Variants in ADGRV1 observed in about 807,000 individuals in gnomAD.
ADGRV1 encodes adhesion G protein-coupled receptor V1, also known as G-protein coupled receptor 98.
Under a neutral mutation model 596.2 loss-of-function variants are expected in ADGRV1, and 359 were observed. That is an observed-to-expected ratio of 0.60 (90% CI 0.55 to 0.66). ADGRV1 has a LOEUF of 0.66. Among genes scored for constraint, ADGRV1 ranks in the 30% least tolerant of loss-of-function variants. The pLI, the probability that ADGRV1 is intolerant of heterozygous loss-of-function variation, is 0.00. For synonymous variants in ADGRV1, 2,681 were observed against 2,679.2 expected, an observed-to-expected ratio of 1.00 and a Z score of -0.02; for missense variants, 7,274 against 7,575.6, an observed-to-expected ratio of 0.96 and a Z score of 1.48.
chr5:90,847,787 C>G (rs996547111), intron 78 of ADGRV1, among the ~76,000 whole-genome samples: 4 of 152,352 alleles, frequency 2.6e-5, no homozygotes, highest in Non-Finnish European at 5.9e-5. Flanking sequence ...ACTGAGCCCA[C>G]GCCCACCCGG....
chr5:90,802,274 G>T (rs989857533), intron 70 of ADGRV1, among the ~76,000 whole-genome samples: 2 of 152,164 alleles, frequency 1.3e-5, no homozygotes, highest in Non-Finnish European at 2.9e-5. Flanking sequence ...GGAGTGCAGT[G>T]GCACAATCTC....
intron 87 of ADGRV1, among the ~76,000 whole-genome samples, chr5:91,132,727 G>T (rs1794316471): frequency 6.6e-6 from 1 of 152,196 alleles, no homozygotes. Flanking sequence ...CAAGAATAGT[G>T]TTCCAGCCAA....
chr5:91,139,871 GA>G (rs1240554379), intron 87 of ADGRV1, among the ~76,000 whole-genome samples: 2 of 152,066 alleles, frequency 1.3e-5, no homozygotes, highest in Non-Finnish European at 2.9e-5. Context: ...TGACAATGTG[GA>G]CCACCTCATT....
intron 45 of ADGRV1, among the ~76,000 whole-genome samples, chr5:90,722,755 A>G (rs1253826830): frequency 1.5e-5 from 2 of 134,660 alleles, no homozygotes; most frequent in East Asian, 2.4e-4. Flanking sequence ...AAAAAAAAAA[A>G]AGGTCTCTGC....
chr5:91,149,933 A>G, intron 87 of ADGRV1, 97 bp from the exon 88 acceptor site: 1 of 981,056 alleles, frequency 1.0e-6, no homozygotes, highest in East Asian at 2.6e-5. Flanking sequence ...GACCAATACA[A>G]CCATGTTTAT....
intron 87 of ADGRV1, among the ~76,000 whole-genome samples, chr5:91,126,440 G>A (rs1388534343): frequency 1.3e-5 from 2 of 152,172 alleles, no homozygotes; most frequent in Non-Finnish European, 2.9e-5. Flanking sequence ...CAGCAGCATT[G>A]CCCCACTTAG....
At chr5:90,585,089 C>T (rs1414475773) in intron 1 of ADGRV1, among the ~76,000 whole-genome samples, 1 of 152,170 alleles carries the variant, frequency 6.6e-6, no homozygotes, top group African/African-American at 2.4e-5. Context: ...TTTTGTTTTA[C>T]ACTGGAATTT....
rs567837126 is a variant in ADGRV1, at chr5:90,973,067, T to C, written c.17973+7536T>C. 5.3e-5 allele frequency among the ~76,000 whole-genome samples: 8 copies of C among 152,218 alleles called. 1 individual carries two copies. In the East Asian group the frequency reaches 9.7e-4, roughly 18 times the overall value. The stretch of plus-strand genomic sequence containing the variant: ...TACAGACTACCATCAGAGAATACTA[T>C]AAACACCTCTATGCAAATAAACTAG... On this transcript the variant is annotated intron_variant, in intron 84 of 89. Transcript: ENST00000405460.
intron 59 of ADGRV1, among the ~76,000 whole-genome samples, chr5:90,773,412 T>C (rs1032415539): frequency 2.0e-5 from 3 of 151,876 alleles, no homozygotes; most frequent in Admixed American, 1.3e-4. Flanking sequence ...ATTCAAACTA[T>C]GCACCTGAGA....
chr5:90,746,006 A>G (rs1008172123), intron 52 of ADGRV1, among the ~76,000 whole-genome samples: 4 of 152,112 alleles, frequency 2.6e-5, no homozygotes, highest in South Asian at 2.1e-4. Flanking sequence ...CTCTGAGTCA[A>G]CTTGTCCTAA....
At chr5:90,881,792 A>G (rs1769806008) in intron 83 of ADGRV1, among the ~76,000 whole-genome samples, 1 of 152,058 alleles carries the variant, frequency 6.6e-6, no homozygotes, top group South Asian at 2.1e-4. Context: ...TGGTATGATC[A>G]TAGATTATTG....
intron 85 of ADGRV1, among the ~76,000 whole-genome samples, chr5:91,023,010 A>G (rs528867832): frequency 1.3e-5 from 2 of 152,274 alleles, no homozygotes; most frequent in Non-Finnish European, 2.9e-5. Context: ...TTCGATAACT[A>G]TGAAGCCCAC....
Position 91,130,393 on chromosome 5 carries a change from G to A in ADGRV1, c.18433-19637G>A, listed in dbSNP as rs192834553. ...CTAAAAATATAAAAATTAGCCGGGC[G>A]TGGTGGTGGGCAGCTCTACTTGGGA... On this transcript the variant is annotated intron_variant, in intron 87 of 89. Coordinates refer to ENST00000405460, the MANE Select transcript of ADGRV1 (RefSeq NM_032119.4). Among the ~76,000 whole-genome samples the A allele has an allele frequency of 8.5e-3, 1,291 of 151,664 alleles. 18 individuals are homozygous for A. Among genetic ancestry groups the A allele is most frequent in the African/African-American group, 0.025 (1,021 of 41,390 alleles).
intron 85 of ADGRV1, among the ~76,000 whole-genome samples, chr5:91,030,278 A>G (rs1784363166): frequency 6.6e-6 from 1 of 152,262 alleles, no homozygotes; most frequent in African/African-American, 2.4e-5. Flanking sequence ...AAATTATTAT[A>G]CTTAATTCAG....
At chr5:91,158,954 C>G (rs1369352762) in intron 89 of ADGRV1, among the ~76,000 whole-genome samples, 1 of 152,276 alleles carries the variant, frequency 6.6e-6, no homozygotes, top group Non-Finnish European at 1.5e-5. Context: ...GCCACTGATA[C>G]TATCTCCTGT....
chr5:91,015,964 C>T (rs1230303675), intron 85 of ADGRV1, among the ~76,000 whole-genome samples: 2 of 151,894 alleles, frequency 1.3e-5, no homozygotes. Flanking sequence ...TATAGTGTCA[C>T]TGATCTGTGT....
chr5:90,728,812 C>T lies in ADGRV1; in HGVS notation c.10305C>T (p.Phe3435=), dbSNP rs1477470776. The stretch of plus-strand genomic sequence containing the variant: ...ATGCCAGGCTAAACTCCCTTTTATT[C>T]AGATGGTCTGGCAGTGGGTTTATTA... ...QANARLNSLL[F]RWSGSGFINF... The change falls in exon 49 of 90, where the codon TTC becomes TTT. Residue 3435 remains phenylalanine (F), a synonymous_variant. Transcript: ENST00000405460. The T allele has an allele frequency of 6.2e-7, 1 of 1,613,834 alleles. No homozygotes were observed. Among genetic ancestry groups the T allele is most frequent in the Non-Finnish European group, 8.5e-7 (1 of 1,179,880 alleles).
At chr5:90,907,785 G>A (rs892334518) in intron 83 of ADGRV1, among the ~76,000 whole-genome samples, 15 of 151,908 alleles carry the variant, frequency 9.9e-5, no homozygotes, top group African/African-American at 3.1e-4. Context: ...TCTTCATCTA[G>A]TACCTACCAC....
Position 90,646,077 on chromosome 5 carries a change from C to A in ADGRV1, c.3008C>A (p.Pro1003His). Residue 1003 changes from proline (P) to histidine (H), a missense_variant, in exon 16 of 90, where the codon CCC (proline) becomes CAC (histidine). Around this residue, in one of 5 missense-constraint regions of ADGRV1, gnomAD observed 1,715 missense variants for 1,708.8 expected, o/e 1.00. Coordinates refer to ENST00000405460, the MANE Select transcript of ADGRV1 (RefSeq NM_032119.4). ...ATLRIRRNDD[P>H]IYFAEPRVVR... The stretch of plus-strand genomic sequence containing the variant: ...CTGAGGATTAGAAGAAATGATGACC[C>A]CATTTATTTTGCAGGTGGTATTGCT... The A allele has an allele frequency of 1.3e-6, 2 of 1,572,460 alleles. No individual in the cohort carries two copies. The highest frequency in any genetic ancestry group is 2.3e-5 in the East Asian group (1 of 43,320).
Sources: gnomAD v4.1 joint callset for allele counts (sites outside exome capture counted in the v4.1 genomes callset) on GRCh38, gnomAD v4.1.1 for gene constraint, gnomAD v4.1.1 regional missense constraint, MANE v1.5 for transcripts, NCBI Gene and HGNC (gene_info 2026-07-23, HGNC 2026-07-21) for gene names.